The following OGT variants were observed in gnomAD, a reference collection of about 807,000 sequenced individuals.
OGT encodes the protein UDP-N-acetylglucosamine--peptide N-acetylglucosaminyltransferase 110 kDa subunit.
A neutral mutation model predicts 75.8 loss-of-function variants in OGT; 3 were observed. The ratio of observed to expected loss-of-function variants is 0.04; its 90% CI spans 0.02 to 0.10. The LOEUF (loss-of-function observed/expected upper bound fraction) is 0.10. Ranked by LOEUF, OGT falls within the 10% of genes least tolerant of loss-of-function variation. OGT has a pLI of 1.00. For missense variants in OGT, 260 were observed against 824.4 expected (o/e 0.32, Z 8.38); for synonymous variants, 257 against 289.7 (o/e 0.89, Z 1.15).
rs2040341401 is a variant in OGT, at chrX:71,556,088, A to G, written c.1059A>G (p.Ala353=). ...IEEAVRLYRK[A]LEVFPEFAAA... is the part of the protein sequence containing the mutation. ...AGGCAGTTCGCTTGTATCGTAAAGCATTAGAAGTATGTGAGGGTGGTGTAG... is the reference window on the plus strand; with the variant it reads ...AGGCAGTTCGCTTGTATCGTAAAGCGTTAGAAGTATGTGAGGGTGGTGTAG... Residue 353 remains alanine (A), a synonymous_variant, in exon 8 of 22, where the codon GCA becomes GCG. Transcript: ENST00000373719. 1 of 1,209,259 alleles carries G rather than the reference A, an allele frequency of 8.3e-7. No individual in the cohort carries two copies. The highest frequency in any genetic ancestry group is 1.7e-5 in the African/African-American group (1 of 57,309).
intron 4 of OGT, chrX:71,547,164 G>T: frequency 1.3e-6 from 1 of 754,432 alleles, no homozygotes; most frequent in African/African-American, 2.3e-5. Flanking sequence ...AGTCCTCCTT[G>T]GGAGACGGGG....
intron 3 of OGT, among the ~76,000 whole-genome samples, chrX:71,542,478 G>A (rs1265090484): frequency 1.3e-4 from 15 of 112,022 alleles, no homozygotes; most frequent in Non-Finnish European, 3.8e-5. Flanking sequence ...ACTTGATATA[G>A]TATACTGTAA....
At chrX:71,570,587 G>A (rs968727023) in intron 21 of OGT, among the ~76,000 whole-genome samples, 1 of 111,361 alleles carries the variant, frequency 9.0e-6, no homozygotes, top group Non-Finnish European at 1.9e-5. Context: ...GAGATGATGT[G>A]AGGATTAAAA....
Position 71,563,140 on chromosome X carries a change from T to C in OGT, c.2159T>C (p.Val720Ala). The C allele has an allele frequency of 8.3e-7, 1 of 1,209,851 alleles. No homozygotes were observed. Among genetic ancestry groups the C allele is most frequent in the Non-Finnish European group, 1.1e-6 (1 of 893,694 alleles). Residue 720 changes from valine to alanine, a missense_variant, in exon 17 of 22, where the codon GTC becomes GCC. Physicochemically the swap from Val to Ala is moderately conservative, Grantham distance 64. Around this residue, in one of 6 missense-constraint regions of OGT, gnomAD observed 99 missense variants for 417.9 expected, o/e 0.24. Transcript: ENST00000373719. Reference sequence around the variant, plus strand: ...TATTTTTTCCATTAGAAAAAAGCAGTCATCGATTTTAAGTCCAATGGGCAC... The same window carrying C: ...TATTTTTTCCATTAGAAAAAAGCAGCCATCGATTTTAAGTCCAATGGGCAC... Reference protein sequence around the residue: ...NMFPHLKKKAVIDFKSNGHIY... With the variant: ...NMFPHLKKKAAIDFKSNGHIY...
intron 14 of OGT, 79 bp downstream of exon 14, chrX:71,559,756 T>C: frequency 1.3e-6 from 1 of 758,950 alleles, no homozygotes; most frequent in Non-Finnish European, 1.9e-6. Context: ...TTATTTTTGA[T>C]GATAAGTATT....
intron 4 of OGT, chrX:71,546,576 A>C (rs991853102): frequency 1.3e-6 from 1 of 750,539 alleles, no homozygotes; most frequent in Non-Finnish European, 1.6e-6. Flanking sequence ...GCTTAAAATA[A>C]TTTTATTTAC....
intron 21 of OGT, among the ~76,000 whole-genome samples, chrX:71,569,653 C>A (rs1052276592): frequency 2.7e-5 from 3 of 110,815 alleles, no homozygotes; most frequent in African/African-American, 3.3e-5. Flanking sequence ...TACATGCCAC[C>A]ATGTCCCATG....
In OGT at chrX:71,568,111, A is replaced by G; in HGVS notation, c.2961A>G (p.Leu987=). Residue 987 remains leucine (L), a synonymous_variant, in exon 21 of 22, where the codon CTA becomes CTG. Transcript: ENST00000373719. ...EDIAVKLGTD[L]EYLKKVRGKV... ...TAGCTGTGAAGCTGGGAACTGATCT[A>G]GAATAGTAAGTAAACTTTTCCTTGA... 8.4e-7 allele frequency: 1 copy of G among 1,187,836 alleles called. No homozygotes were observed. The highest frequency in any genetic ancestry group is 1.1e-6 in the Non-Finnish European group (1 of 885,677).
Position 71,557,175 on chromosome X carries a change from C to T in OGT, c.1321-20C>T. On this transcript the variant is annotated intron_variant, in intron 10 of 21. Transcript: ENST00000373719. ...TAACTTTTGGAAATTTTTTACCATCCTGCTTTATTTATTTTCCAGGATTCA... is the reference window on the plus strand; with the variant it reads ...TAACTTTTGGAAATTTTTTACCATCTTGCTTTATTTATTTTCCAGGATTCA... 1 of 1,202,343 alleles carries T rather than the reference C, an allele frequency of 8.3e-7. No individual in the cohort carries two copies. The highest frequency in any genetic ancestry group is 3.0e-5 in the East Asian group (1 of 33,750).
At chrX:71,555,753 A>G (rs2040338752) in intron 7 of OGT, 2 of 461,985 alleles carry the variant, frequency 4.3e-6, no homozygotes, top group Non-Finnish European at 7.0e-6. Context: ...AAAAAACAGC[A>G]AAAAAGGAAA....
At chrX:71,536,575 C>T in intron 2 of OGT, 1 of 310,737 alleles carries the variant, frequency 3.2e-6, no homozygotes, top group Non-Finnish European at 5.5e-6. Context: ...GACTAGGGAC[C>T]TTTTCTAGAT....
chrX:71,541,613 G>A (rs958631465), intron 3 of OGT, among the ~76,000 whole-genome samples: 1 of 111,741 alleles, frequency 8.9e-6, no homozygotes, highest in Non-Finnish European at 1.9e-5. Context: ...AAGGTAAATA[G>A]CAAGTAGACT....
Position 71,549,277 on chromosome X carries a change from CAA to C in OGT, c.648+1256_648+1257del, listed in dbSNP as rs774470738. ...CACCACTGCACTCCAGCCTGGGTGA[CAA>C]AGTGAGGCCCTGTCTCAAAAAAAAA... On this transcript the variant is annotated intron_variant, in intron 5 of 21. Transcript: ENST00000373719. Among the ~76,000 whole-genome samples, 10 of 40,269 alleles carry C rather than the reference CAA, an allele frequency of 2.5e-4. No individual in the cohort carries two copies. The Admixed American group carries it at 4.2e-3, about 17-fold the overall frequency. The allele number at this position is 40,269 out of a possible 115,157, so 35.0% of individuals were successfully genotyped here. A position where few individuals can be genotyped will look rare whatever the true frequency, so the allele number is the denominator to read the frequency against.
At chrX:71,550,508 C>G (rs967778862) in intron 5 of OGT, among the ~76,000 whole-genome samples, 1 of 111,408 alleles carries the variant, frequency 9.0e-6, no homozygotes, top group Non-Finnish European at 1.9e-5. Context: ...CTTGGTCTCC[C>G]CAAGTGATAG....
At chrX:71,557,743 T>C (rs2040352006) in intron 12 of OGT, 71 bp downstream of exon 12, 2 of 948,298 alleles carry the variant, frequency 2.1e-6, no homozygotes, top group Admixed American at 3.5e-5. Flanking sequence ...AAAAATCAAA[T>C]CTGTGGCTTA....
chrX:71,551,732 T>C (rs2040305625), intron 5 of OGT, among the ~76,000 whole-genome samples: 1 of 112,170 alleles, frequency 8.9e-6, no homozygotes. Context: ...TGAAGTAGTC[T>C]TGCACAAAGA....
intron 14 of OGT, among the ~76,000 whole-genome samples, chrX:71,560,029 C>T (rs1368119900): frequency 1.8e-5 from 2 of 110,423 alleles, no homozygotes; most frequent in Non-Finnish European, 3.8e-5. Context: ...TGCCTGTAAT[C>T]CCAGCACTTT....
chrX:71,552,340 T>C (rs765130683), intron 5 of OGT, among the ~76,000 whole-genome samples: 96 of 111,305 alleles, frequency 8.6e-4, no homozygotes, highest in African/African-American at 3.0e-3. Flanking sequence ...TATATCTGTC[T>C]TATTTGGATC....
At chrX:71,539,720 T>C (rs1004475822) in intron 3 of OGT, among the ~76,000 whole-genome samples, 2 of 112,521 alleles carry the variant, frequency 1.8e-5, no homozygotes, top group Non-Finnish European at 3.8e-5. Flanking sequence ...ACCCCATTTT[T>C]CCCAGGGCTC....
Sources: allele counts gnomAD v4.1 joint callset (sites outside exome capture counted in the v4.1 genomes callset), GRCh38; gene constraint gnomAD v4.1.1; regional missense constraint gnomAD v4.1.1; transcripts MANE v1.5; gene names NCBI Gene and HGNC (gene_info 2026-07-23, HGNC 2026-07-21).